ARMH3: variants seen among roughly 807,000 people sequenced by gnomAD.
ARMH3 encodes the protein armadillo-like helical domain-containing protein 3.
A neutral mutation model predicts 99.1 loss-of-function variants in ARMH3; 60 were observed. The ratio of observed to expected loss-of-function variants is 0.61; its 90% CI spans 0.49 to 0.75. The LOEUF (loss-of-function observed/expected upper bound fraction) is 0.75. Ranked by LOEUF, ARMH3 falls within the 30% of genes least tolerant of loss-of-function variation. ARMH3 has a pLI of 0.00. For missense variants in ARMH3, 679 were observed against 843.1 expected, an observed-to-expected ratio of 0.81 and a Z score of 2.41; for synonymous variants, 285 against 292.8, an observed-to-expected ratio of 0.97 and a Z score of 0.27.
intron 23 of ARMH3, among the ~76,000 whole-genome samples, chr10:101,918,664 C>T (rs1371280131): frequency 6.6e-6 from 1 of 152,124 alleles, no homozygotes; most frequent in African/African-American, 2.4e-5. Context: ...GAAGAGCAAT[C>T]GAATAAAATA....
At chr10:101,911,023 C>T (rs1291830077) in intron 23 of ARMH3, among the ~76,000 whole-genome samples, 1 of 151,760 alleles carries the variant, frequency 6.6e-6, no homozygotes, top group South Asian at 2.1e-4. Context: ...GCCTGTAATC[C>T]CAACTATTCG....
chr10:102,014,703 A>G (rs189477650), intron 8 of ARMH3, among the ~76,000 whole-genome samples: 7 of 152,320 alleles, frequency 4.6e-5, no homozygotes, highest in African/African-American at 1.4e-4. Flanking sequence ...TTGTCCCATC[A>G]CTTAGAGCAC....
chr10:101,909,091 C>G (rs2135535935), intron 23 of ARMH3, among the ~76,000 whole-genome samples: 1 of 151,646 alleles, frequency 6.6e-6, no homozygotes, highest in Admixed American at 6.6e-5. Context: ...AAGATAGTAC[C>G]ATGTTCAGAA....
chr10:102,038,914 AT>A (rs903587856), intron 2 of ARMH3, among the ~76,000 whole-genome samples: 1 of 151,028 alleles, frequency 6.6e-6, no homozygotes, highest in Non-Finnish European at 1.5e-5. Flanking sequence ...TAATTTTTGT[AT>A]TTTTTTTGTA....
chr10:101,901,477 C>T (rs1358850994), intron 23 of ARMH3, among the ~76,000 whole-genome samples: 1 of 152,212 alleles, frequency 6.6e-6, no homozygotes, highest in Non-Finnish European at 1.5e-5. Flanking sequence ...TTACAGTGCA[C>T]TGTCAGCTCT....
Position 101,847,373 on chromosome 10 carries a change from T to G in ARMH3, c.*155A>C, listed in dbSNP as rs1315781572. 1 of 704,488 alleles carries G rather than the reference T, an allele frequency of 1.4e-6. No homozygotes were observed. The highest frequency in any genetic ancestry group is 2.7e-5 in the East Asian group (1 of 37,468). 43.6% of individuals were successfully genotyped at this position (704,488 alleles called of 1,614,324 possible). A position where few individuals can be genotyped will look rare whatever the true frequency, so the allele number is the denominator to read the frequency against. On this transcript the variant is annotated 3_prime_UTR_variant, in exon 26 of 26. Transcript: ENST00000370033. ...CCTGGCTTGACCCTCCTGCCCCTGCTGCCCAAGCTCCATTGAAGTGCGGTC... is the reference window on the plus strand; with the variant it reads ...CCTGGCTTGACCCTCCTGCCCCTGCGGCCCAAGCTCCATTGAAGTGCGGTC...
intron 22 of ARMH3, among the ~76,000 whole-genome samples, chr10:101,942,552 G>A (rs1484325644): frequency 6.6e-6 from 1 of 152,164 alleles, no homozygotes. Flanking sequence ...AAGATTAAGT[G>A]TGTGCCTTTA....
At chr10:101,955,921 T>A (rs1431861147) in intron 22 of ARMH3, among the ~76,000 whole-genome samples, 1 of 152,252 alleles carries the variant, frequency 6.6e-6, no homozygotes, top group Non-Finnish European at 1.5e-5. Flanking sequence ...CAATTATACT[T>A]CAATAAAGCT....
At chr10:102,042,618 G>A (rs2067449119) in intron 1 of ARMH3, among the ~76,000 whole-genome samples, 1 of 152,194 alleles carries the variant, frequency 6.6e-6, no homozygotes, top group Non-Finnish European at 1.5e-5. Flanking sequence ...TACCACCCAA[G>A]CTGCCTGAAA....
intron 22 of ARMH3, among the ~76,000 whole-genome samples, chr10:101,947,549 C>G (rs911603691): frequency 4.6e-5 from 7 of 151,950 alleles, no homozygotes; most frequent in African/African-American, 1.7e-4. Context: ...ACCTGTAATC[C>G]CAGCACTTTG....
chr10:102,024,249 G>A (rs746649282), intron 6 of ARMH3, among the ~76,000 whole-genome samples: 14 of 151,746 alleles, frequency 9.2e-5, no homozygotes, highest in Admixed American at 3.3e-4. Context: ...AGGAGTTCAA[G>A]ACCAACCTGG....
At chr10:101,871,716 C>T (rs967127952) in intron 24 of ARMH3, among the ~76,000 whole-genome samples, 4 of 152,166 alleles carry the variant, frequency 2.6e-5, no homozygotes, top group Admixed American at 6.5e-5. Flanking sequence ...GAAAATACAA[C>T]GAGGCCGGGT....
At chr10:101,957,487 G>C (rs1425085772) in intron 21 of ARMH3, among the ~76,000 whole-genome samples, 163 bp downstream of exon 21, 2 of 152,140 alleles carry the variant, frequency 1.3e-5, no homozygotes, top group Non-Finnish European at 2.9e-5. Context: ...CAAAGACATA[G>C]GTGAGAGTGG....
chr10:101,965,152 T>C (rs951129868), intron 20 of ARMH3, among the ~76,000 whole-genome samples: 2 of 152,174 alleles, frequency 1.3e-5, no homozygotes, highest in African/African-American at 4.8e-5. Context: ...TGGTTAAACA[T>C]AGTTACAATG....
chr10:102,021,451 T>A (rs929645998), intron 8 of ARMH3, among the ~76,000 whole-genome samples: 1 of 149,714 alleles, frequency 6.7e-6, no homozygotes, highest in Non-Finnish European at 1.5e-5. Context: ...GGTGTAATCA[T>A]GGCTCACTGT....
chr10:101,963,143 ATT>A (rs11455511), intron 20 of ARMH3, among the ~76,000 whole-genome samples: 17 of 112,198 alleles, frequency 1.5e-4, no homozygotes, highest in Admixed American at 3.6e-4. Flanking sequence ...ATAATTTTGC[ATT>A]TTTTTTTTTT....
chr10:101,957,650 C>A lies in ARMH3; in HGVS notation c.1578G>T (p.Met526Ile). 6.2e-7 allele frequency: 1 copy of A among 1,605,800 alleles called. No homozygotes were observed. ...AAGAAGTATTTGTTTTGATACTCAC[C>A]ATAAGGGCTAATGTAAAAATGTTGT... ...AKHNIFTLAL[M>I]IVNLFNMFIT... Residue 526 changes from methionine to isoleucine, a missense_variant and splice_region_variant, in exon 21 of 26, where the codon ATG becomes ATT. Transcript: ENST00000370033.
intron 8 of ARMH3, 79 bp downstream of exon 8, chr10:102,023,398 T>C: frequency 1.5e-6 from 2 of 1,311,468 alleles, no homozygotes; most frequent in South Asian, 2.6e-5. Flanking sequence ...TCTTCTACAT[T>C]AAGCAAAGTC....
chr10:102,041,487 C>G (rs899436689), intron 1 of ARMH3, among the ~76,000 whole-genome samples: 2 of 151,992 alleles, frequency 1.3e-5, no homozygotes, highest in East Asian at 1.9e-4. Context: ...TCTTTCTGAT[C>G]AAAATCAAAA....
Sources: gnomAD v4.1 joint callset for allele counts (sites outside exome capture counted in the v4.1 genomes callset) on GRCh38, gnomAD v4.1.1 for gene constraint, MANE v1.5 for transcripts, NCBI Gene and HGNC (gene_info 2026-07-23, HGNC 2026-07-21) for gene names.